Variants in PRKN observed in about 807,000 individuals in gnomAD.
The protein encoded by PRKN is E3 ubiquitin-protein ligase parkin.
A neutral mutation model predicts 59.5 loss-of-function variants in PRKN; 56 were observed. That is an observed-to-expected ratio of 0.94 (90% CI 0.76 to 1.18). The LOEUF is 1.18. Among genes scored for constraint, PRKN ranks in the 50% most tolerant of loss-of-function variants. The probability of loss-of-function intolerance (pLI) is 0.00; values close to 1 mark genes in which losing one functional copy is unlikely to be tolerated. For missense variants in PRKN, 657 were observed against 596.4 expected, an observed-to-expected ratio of 1.10 and a Z score of -1.06; for synonymous variants, 250 against 222.1, an observed-to-expected ratio of 1.13 and a Z score of -1.12.
chr6:162,296,487 G>A (rs1562648898), intron 2 of PRKN, among the ~76,000 whole-genome samples: 2 of 152,066 alleles, frequency 1.3e-5, no homozygotes, highest in Non-Finnish European at 1.5e-5. Flanking sequence ...GAAATCCCCC[G>A]GAGCTGCCTG....
intron 6 of PRKN, among the ~76,000 whole-genome samples, chr6:161,800,652 A>G (rs920658530): frequency 6.6e-6 from 1 of 152,182 alleles, no homozygotes; most frequent in African/African-American, 2.4e-5. Context: ...TGTCTGGCCT[A>G]TGAAGCCCCG....
At chr6:162,262,072 A>G (rs999078178) in intron 3 of PRKN, among the ~76,000 whole-genome samples, 2 of 152,214 alleles carry the variant, frequency 1.3e-5, no homozygotes, top group African/African-American at 4.8e-5. Flanking sequence ...ATAAAAGACT[A>G]AGAGGCACAT....
chr6:161,841,827 A>T (rs1562330606), intron 6 of PRKN, among the ~76,000 whole-genome samples: 1 of 152,126 alleles, frequency 6.6e-6, no homozygotes, highest in Non-Finnish European at 1.5e-5. Flanking sequence ...CTATTGGCAA[A>T]TAATTACTTT....
intron 1 of PRKN, among the ~76,000 whole-genome samples, chr6:162,557,669 C>T (rs1359864290): frequency 6.6e-6 from 1 of 152,154 alleles, no homozygotes; most frequent in African/African-American, 2.4e-5. Context: ...GCCATCACAC[C>T]CAGCTAATTT....
At chr6:161,910,717 C>CAA (rs1399388984) in intron 6 of PRKN, among the ~76,000 whole-genome samples, 1 of 152,146 alleles carries the variant, frequency 6.6e-6, no homozygotes, top group Non-Finnish European at 1.5e-5. Context: ...AAGGAAGACT[C>CAA]AATTGATGTG....
intron 6 of PRKN, among the ~76,000 whole-genome samples, chr6:161,928,530 T>C (rs549526549): frequency 2.6e-5 from 4 of 152,328 alleles, no homozygotes; most frequent in African/African-American, 9.6e-5. Context: ...ATTTCAGCCC[T>C]ACAAGAAGTT....
At chr6:161,541,667 A>G (rs2115410394) in intron 9 of PRKN, among the ~76,000 whole-genome samples, 1 of 152,206 alleles carries the variant, frequency 6.6e-6, no homozygotes, top group East Asian at 1.9e-4. Flanking sequence ...CTAAATTTAC[A>G]AAAATTAGCT....
intron 10 of PRKN, among the ~76,000 whole-genome samples, chr6:161,383,328 A>G (rs375221881): frequency 5.3e-4 from 80 of 152,360 alleles, no homozygotes; most frequent in African/African-American, 1.8e-3. Flanking sequence ...AAAAGCAGCT[A>G]TGGTTGAAAT....
intron 3 of PRKN, among the ~76,000 whole-genome samples, chr6:162,203,666 T>A (rs911416153): frequency 6.6e-6 from 1 of 152,184 alleles, no homozygotes; most frequent in South Asian, 2.1e-4. Context: ...GTCATAACTC[T>A]TAGAGGAATG....
Position 161,466,080 on chromosome 6 carries a change from G to T in PRKN, c.1084-79203C>A, listed in dbSNP as rs1233147177. 6.6e-6 allele frequency among the ~76,000 whole-genome samples: 1 copy of T among 152,114 alleles called. No individual in the cohort carries two copies. Among genetic ancestry groups the T allele is most frequent in the Non-Finnish European group, 1.5e-5 (1 of 68,018 alleles). ...GTTATCTTTGTGTGTGTGTGTGTGT[G>T]TGTCTGTGTGGGGAGGACACTTAAG... On this transcript the variant is annotated intron_variant, in intron 9 of 11. Transcript: ENST00000366898. This position sits in a 1 kb window ranked among gnomAD's most constrained non-coding sequence, Gnocchi z 5.0.
chr6:162,393,311 C>T (rs1362582078), intron 2 of PRKN, among the ~76,000 whole-genome samples: 4 of 151,596 alleles, frequency 2.6e-5, no homozygotes, highest in African/African-American at 9.7e-5. Context: ...AAGTGCCTGC[C>T]ACCACGCCCA....
rs192856388 is a variant in PRKN at position 162,540,636 on chromosome 6, G to A, written c.8-97163C>T. Among the ~76,000 whole-genome samples, 93 of 151,740 alleles carry A rather than the reference G, an allele frequency of 6.1e-4. No individual in the cohort carries two copies. The East Asian group carries it at 0.017, about 28-fold the overall frequency. On this transcript the variant is annotated intron_variant, in intron 1 of 11. Coordinates refer to ENST00000366898, the MANE Select transcript of PRKN (RefSeq NM_004562.3). ...AGCCTGGCCAACATGGTTAAACCCC[G>A]CCTCTACTAAAAATATAAAAATTAG...
intron 7 of PRKN, among the ~76,000 whole-genome samples, chr6:161,644,530 C>T (rs1179564729): frequency 1.3e-5 from 2 of 152,220 alleles, no homozygotes; most frequent in African/African-American, 2.4e-5. Flanking sequence ...TCTTTCCCTG[C>T]CCTTAGTTCG....
chr6:162,308,548 G>T (rs7769011), intron 2 of PRKN, among the ~76,000 whole-genome samples: 1 of 152,142 alleles, frequency 6.6e-6, no homozygotes, highest in Non-Finnish European at 1.5e-5. Flanking sequence ...CATTATTTCT[G>T]CTTCTGTTCT....
At chr6:162,045,514 G>A (rs905723819) in intron 5 of PRKN, among the ~76,000 whole-genome samples, 12 of 152,176 alleles carry the variant, frequency 7.9e-5, no homozygotes, top group African/African-American at 2.9e-4. Flanking sequence ...ACGTGACATC[G>A]TCTCAGTTGT....
chr6:161,966,262 G>A (rs1382597200), intron 6 of PRKN, among the ~76,000 whole-genome samples: 1 of 151,062 alleles, frequency 6.6e-6, no homozygotes, highest in Non-Finnish European at 1.5e-5. Flanking sequence ...AGAAATTTGG[G>A]TATGATAAAA....
chr6:161,663,489 C>T (rs1254368060), intron 7 of PRKN, among the ~76,000 whole-genome samples: 3 of 152,064 alleles, frequency 2.0e-5, no homozygotes, highest in Admixed American at 6.6e-5. Context: ...AGGGTCTAAT[C>T]GAACACATGG....
At chr6:161,893,266 G>A (rs1289175462) in intron 6 of PRKN, among the ~76,000 whole-genome samples, 1 of 152,188 alleles carries the variant, frequency 6.6e-6, no homozygotes, top group African/African-American at 2.4e-5. Context: ...CCAGCCATCA[G>A]GATTTTACTG....
chr6:162,010,822 A>ATTATATAT (rs1782577287), intron 5 of PRKN, among the ~76,000 whole-genome samples: 1 of 10,752 alleles, frequency 9.3e-5, no homozygotes, highest in East Asian at 7.1e-3. Context: ...AATGTATAAT[A>ATTATATAT]TATACAATAT....
Sources: gnomAD v4.1 joint callset for allele counts (sites outside exome capture counted in the v4.1 genomes callset) on GRCh38, gnomAD v4.1.1 for gene constraint, Gnocchi (gnomAD v3.1) non-coding constraint, MANE v1.5 for transcripts, NCBI Gene and HGNC (gene_info 2026-07-23, HGNC 2026-07-21) for gene names.